RORB: variants seen among roughly 807,000 people sequenced by gnomAD.
The protein encoded by RORB is RAR related orphan receptor B.
In RORB, 6 loss-of-function variants were observed where a neutral mutation model predicts 59.1. The observed-to-expected ratio is 0.10, with a 90% CI of 0.06 to 0.20. The LOEUF is 0.20. Ranked by LOEUF, RORB falls within the 10% of genes least tolerant of loss-of-function variation. The probability of loss-of-function intolerance (pLI) is 1.00; values close to 1 mark genes in which losing one functional copy is unlikely to be tolerated. For missense variants in RORB, 320 were observed against 560.5 expected (o/e 0.57, Z 4.33); for synonymous variants, 215 against 204.5 (o/e 1.05, Z -0.44).
intron 5 of RORB, among the ~76,000 whole-genome samples, chr9:74,661,554 A>G (rs1436188671): frequency 2.0e-5 from 3 of 152,034 alleles, no homozygotes; most frequent in Non-Finnish European, 4.4e-5. Flanking sequence ...ACTGAGGACT[A>G]AAAAATATTT....
chr9:74,565,334 T>G (rs1822452487), intron 1 of RORB, among the ~76,000 whole-genome samples: 1 of 152,176 alleles, frequency 6.6e-6, no homozygotes, highest in Non-Finnish European at 1.5e-5. Context: ...TTTCTAACTG[T>G]TTCTTCTTTG....
chr9:74,511,518 C>G (rs1164698741), intron 1 of RORB, among the ~76,000 whole-genome samples: 6 of 151,486 alleles, frequency 4.0e-5, no homozygotes, highest in African/African-American at 1.5e-4. Context: ...GGCACAGTGA[C>G]CCGGGCCTGT....
rs1161021601 is a variant in RORB at position 74,691,156 on chromosome 9, G to A, written c.*5538G>A. ...ATGTGAATGGGCCATAGTAATCTTT[G>A]CCTCCTGCGTGACTGTAAGCATGGC... On this transcript the variant is annotated 3_prime_UTR_variant, in exon 10 of 10. Coordinates refer to ENST00000376896, the MANE Select transcript of RORB (RefSeq NM_006914.4). 2 of 152,160 alleles carry A rather than the reference G, an allele frequency of 1.3e-5. No individual in the cohort carries two copies. Among genetic ancestry groups the A allele is most frequent in the Admixed American group, 6.5e-5 (1 of 15,272 alleles). 9.4% of individuals were successfully genotyped at this position (152,160 alleles called of 1,614,324 possible).
chr9:74,568,240 G>A (rs1347430203), intron 1 of RORB, among the ~76,000 whole-genome samples: 6 of 151,632 alleles, frequency 4.0e-5, no homozygotes, highest in Non-Finnish European at 8.8e-5. Flanking sequence ...TTCCATATTG[G>A]CCTAGAGCAT....
chr9:74,663,006 G>A (rs932639529), intron 6 of RORB, among the ~76,000 whole-genome samples: 2 of 151,694 alleles, frequency 1.3e-5, no homozygotes, highest in African/African-American at 4.8e-5. Flanking sequence ...ATTTTAATGA[G>A]GATAGCCTGC....
Position 74,648,970 on chromosome 9 carries a change from CT to C in RORB, c.637+6169del, listed in dbSNP as rs1457915899. 6.5e-3 allele frequency among the ~76,000 whole-genome samples: 922 copies of C among 141,094 alleles called. 17 individuals carry two copies. The highest frequency in any genetic ancestry group is 0.017 in the African/African-American group (648 of 38,676). The allele number at this position is 141,094 out of a possible 152,430, so 92.6% of individuals were successfully genotyped here. The stretch of plus-strand genomic sequence containing the variant: ...TATGTTCATAAAATGAAGATAGGTT[CT>C]TTTTTTTTTTTTTCGACGGAGTCTG... On this transcript the variant is annotated intron_variant, in intron 4 of 9. Coordinates refer to ENST00000376896, the MANE Select transcript of RORB (RefSeq NM_006914.4).
chr9:74,564,681 T>C (rs981699398), intron 1 of RORB, among the ~76,000 whole-genome samples: 1 of 152,234 alleles, frequency 6.6e-6, no homozygotes, highest in African/African-American at 2.4e-5. Flanking sequence ...GTAGAGTTAA[T>C]GTAAACGTGG....
At chr9:74,566,543 T>TC (rs1822471988) in intron 1 of RORB, among the ~76,000 whole-genome samples, 1 of 152,170 alleles carries the variant, frequency 6.6e-6, no homozygotes, top group East Asian at 1.9e-4. Flanking sequence ...ACACCTGTAA[T>TC]CCCAAGACTT....
chr9:74,511,547 G>A (rs1036814008), intron 1 of RORB, among the ~76,000 whole-genome samples: 12 of 151,200 alleles, frequency 7.9e-5, no homozygotes, highest in Non-Finnish European at 1.5e-4. Context: ...CACATAAGGC[G>A]GCTAGGGCAG....
intron 1 of RORB, among the ~76,000 whole-genome samples, chr9:74,506,749 A>G (rs1346258955): frequency 1.3e-5 from 2 of 152,032 alleles, no homozygotes; most frequent in African/African-American, 4.8e-5. Flanking sequence ...CTCATCTTCA[A>G]ATTTCCACAT....
intron 1 of RORB, among the ~76,000 whole-genome samples, chr9:74,594,264 A>G (rs1587375507): frequency 6.6e-6 from 1 of 152,202 alleles, no homozygotes; most frequent in Non-Finnish European, 1.5e-5. Context: ...TCAGCTGTGC[A>G]TGTATGAACA....
intron 1 of RORB, among the ~76,000 whole-genome samples, chr9:74,537,370 A>G (rs1826335999): frequency 6.6e-6 from 1 of 151,778 alleles, no homozygotes; most frequent in South Asian, 2.1e-4. Flanking sequence ...TAAACTTTTT[A>G]TTTTTTTCTC....
intron 6 of RORB, among the ~76,000 whole-genome samples, chr9:74,663,046 G>T (rs1824214887): frequency 6.6e-6 from 1 of 151,830 alleles, no homozygotes; most frequent in South Asian, 2.1e-4. Flanking sequence ...AAACTCCACG[G>T]TACTCTAATC....
Position 74,692,834 on chromosome 9 carries a change from T to C in RORB, c.*7216T>C, listed in dbSNP as rs1419009705. The C allele has an allele frequency of 6.6e-6, 1 of 152,184 alleles. No homozygotes were observed. Among genetic ancestry groups the C allele is most frequent in the Non-Finnish European group, 1.5e-5 (1 of 68,032 alleles). The allele number at this position is 152,184 out of a possible 1,614,324, so 9.4% of individuals were successfully genotyped here. On this transcript the variant is annotated 3_prime_UTR_variant, in exon 10 of 10. Transcript: ENST00000376896. The stretch of plus-strand genomic sequence containing the variant: ...ACATATATAGTTTTAAAATCTACAA[T>C]TTTCTGATCTCTCTCTCCTTGTTTA...
intron 1 of RORB, chr9:74,498,763 C>CCTA (rs1375022556): frequency 1.3e-5 from 2 of 154,158 alleles, no homozygotes; most frequent in African/African-American, 2.4e-5. Context: ...AGATAAAGGG[C>CCTA]CGGTAGTGGA....
intron 1 of RORB, among the ~76,000 whole-genome samples, chr9:74,588,824 T>C (rs1346276124): frequency 2.0e-5 from 3 of 152,220 alleles, no homozygotes; most frequent in African/African-American, 4.8e-5. Context: ...CAAGATATCT[T>C]TTAATCCTCT....
At chr9:74,685,163 A>G (rs1824619528) in intron 9 of RORB, among the ~76,000 whole-genome samples, 1 of 151,006 alleles carries the variant, frequency 6.6e-6, no homozygotes, top group South Asian at 2.1e-4. Flanking sequence ...CAGAGCACCC[A>G]CTTGTAACTA....
In RORB at chr9:74,690,296, A is replaced by C. The variant is rs1307984160; in HGVS notation, c.*4678A>C. Reference sequence around the variant, plus strand: ...CTCAGGACCAGAGGGTACAGGGTAGAGGGTAGTTTACCATTTAAAGCAGGG... The same window carrying C: ...CTCAGGACCAGAGGGTACAGGGTAGCGGGTAGTTTACCATTTAAAGCAGGG... On this transcript the variant is annotated 3_prime_UTR_variant, in exon 10 of 10. Coordinates refer to ENST00000376896, the MANE Select transcript of RORB (RefSeq NM_006914.4). The C allele has an allele frequency of 2.6e-5, 4 of 152,248 alleles. No homozygotes were observed. The highest frequency in any genetic ancestry group is 7.2e-5 in the African/African-American group (3 of 41,462). 9.4% of individuals were successfully genotyped at this position (152,248 alleles called of 1,614,324 possible). A position where few individuals can be genotyped will look rare whatever the true frequency, so the allele number is the denominator to read the frequency against.
chr9:74,577,131 A>G (rs149079124), intron 1 of RORB, among the ~76,000 whole-genome samples: 2 of 152,260 alleles, frequency 1.3e-5, no homozygotes, highest in African/African-American at 2.4e-5. Context: ...ATTAAAAACT[A>G]TGTTGCTTAT....
Sources: allele counts gnomAD v4.1 joint callset (sites outside exome capture counted in the v4.1 genomes callset), GRCh38; gene constraint gnomAD v4.1.1; transcripts MANE v1.5; gene names NCBI Gene and HGNC (gene_info 2026-07-23, HGNC 2026-07-21).